Variants in GRK3 observed in about 807,000 individuals in gnomAD.
GRK3 encodes the protein adrenergic, beta, receptor kinase 2.
GRK3 carries 54 observed loss-of-function variants against 95.7 expected under a neutral mutation model. That is an observed-to-expected ratio of 0.56 (90% CI 0.45 to 0.71). The LOEUF is 0.71. Among genes scored for constraint, GRK3 ranks in the 30% least tolerant of loss-of-function variants. The probability of loss-of-function intolerance (pLI) is 0.00; values close to 1 mark genes in which losing one functional copy is unlikely to be tolerated. For missense variants in GRK3, 649 were observed against 851.2 expected, an observed-to-expected ratio of 0.76 and a Z score of 2.96; for synonymous variants, 281 against 290.8, an observed-to-expected ratio of 0.97 and a Z score of 0.34.
rs1243234888 is a variant in GRK3, at chr22:25,725,244, TC to T, written c.*2795del. 3 of 255,888 alleles carry T rather than the reference TC, an allele frequency of 1.2e-5. No individual in the cohort carries two copies. Among genetic ancestry groups the T allele is most frequent in the Admixed American group, 5.4e-5 (1 of 18,398 alleles). 15.9% of individuals were successfully genotyped at this position (255,888 alleles called of 1,614,324 possible). On this transcript the variant is annotated 3_prime_UTR_variant, in exon 21 of 21. Coordinates refer to ENST00000324198, the MANE Select transcript of GRK3 (RefSeq NM_005160.4). ...AGGTCAAAATTCAGCCTATTTTTTT[TC>T]ATTATTTTAGATTCCTGTGGTTGGG...
rs538144910 is a variant in GRK3 at position 25,690,081 on chromosome 22, A to G, written c.958-108A>G. ...GCTAAAGCTATAATTTGTGTTTAGGAACAAACTATGATAAAATAGTGAGAT... is the reference window on the plus strand; with the variant it reads ...GCTAAAGCTATAATTTGTGTTTAGGGACAAACTATGATAAAATAGTGAGAT... On this transcript the variant is annotated intron_variant, in intron 11 of 20. Coordinates refer to ENST00000324198, the MANE Select transcript of GRK3 (RefSeq NM_005160.4). The G allele has an allele frequency of 5.4e-6, 4 of 743,518 alleles. No homozygotes were observed. The South Asian group carries it at 7.2e-5, about 13-fold the overall frequency. 46.1% of individuals were successfully genotyped at this position (743,518 alleles called of 1,614,324 possible). A position where few individuals can be genotyped will look rare whatever the true frequency, so the allele number is the denominator to read the frequency against.
In GRK3 at chr22:25,605,903, C is replaced by T. The variant is rs143151703; in HGVS notation, c.190+1450C>T. On this transcript the variant is annotated intron_variant, in intron 2 of 20. Coordinates refer to ENST00000324198, the MANE Select transcript of GRK3 (RefSeq NM_005160.4). ...GTTCTGGTGGTTGTATGGATCAGAA[C>T]TTCAGCCTGCTTTCCCTTCAGCTCT... 3.8e-3 allele frequency among the ~76,000 whole-genome samples: 572 copies of T among 152,318 alleles called. 3 individuals carry two copies. The highest frequency in any genetic ancestry group is 0.013 in the African/African-American group (542 of 41,542).
chr22:25,569,264 C>T (rs1161353727), intron 1 of GRK3, among the ~76,000 whole-genome samples: 1 of 152,180 alleles, frequency 6.6e-6, no homozygotes, highest in Non-Finnish European at 1.5e-5. Context: ...CATTAAGGTA[C>T]AAATTCAAAA....
At chr22:25,653,568 T>A (rs2084849371) in intron 3 of GRK3, among the ~76,000 whole-genome samples, 1 of 152,222 alleles carries the variant, frequency 6.6e-6, no homozygotes, top group African/African-American at 2.4e-5. Flanking sequence ...TATTAACACA[T>A]AACCTTCTAG....
chr22:25,719,458 G>A (rs1185660860), intron 19 of GRK3, among the ~76,000 whole-genome samples: 1 of 152,170 alleles, frequency 6.6e-6, no homozygotes, highest in Admixed American at 6.5e-5. Context: ...GCTTCCTTGT[G>A]TCTCCACCTT....
chr22:25,638,131 CA>C (rs149754113), intron 2 of GRK3, among the ~76,000 whole-genome samples: 1,956 of 152,310 alleles, frequency 0.013, 28 homozygotes, highest in Middle Eastern at 0.065. Context: ...AAGGCGATAA[CA>C]AGGTCATACT....
At chr22:25,639,002 G>A (rs903526585) in intron 2 of GRK3, among the ~76,000 whole-genome samples, 2 of 152,186 alleles carry the variant, frequency 1.3e-5, no homozygotes, top group African/African-American at 2.4e-5. Flanking sequence ...AGGTGTTCCT[G>A]TGTTGTGATG....
At chr22:25,674,999 T>C (rs2085015977) in intron 8 of GRK3, among the ~76,000 whole-genome samples, 1 of 151,900 alleles carries the variant, frequency 6.6e-6, no homozygotes, top group African/African-American at 2.4e-5. Flanking sequence ...AGCAATAAGC[T>C]GGAACCTCCA....
chr22:25,587,146 C>T (rs1417835176), intron 1 of GRK3, among the ~76,000 whole-genome samples: 1 of 152,184 alleles, frequency 6.6e-6, no homozygotes, highest in African/African-American at 2.4e-5. Flanking sequence ...CTGCCTCAGC[C>T]TCCCAAAGTG....
At chr22:25,581,521 A>T (rs1282139594) in intron 1 of GRK3, 1 of 152,204 alleles carries the variant, frequency 6.6e-6, no homozygotes, top group Non-Finnish European at 1.5e-5. Flanking sequence ...AGGCTCTGTG[A>T]CACTGATTAC....
chr22:25,707,355 C>G (rs994237702), intron 15 of GRK3, among the ~76,000 whole-genome samples: 3 of 152,166 alleles, frequency 2.0e-5, no homozygotes, highest in Non-Finnish European at 2.9e-5. Context: ...CGAAGTGTTT[C>G]CAGTAAAAAT....
At chr22:25,712,214 G>A (rs1284245900) in intron 17 of GRK3, among the ~76,000 whole-genome samples, 1 of 152,164 alleles carries the variant, frequency 6.6e-6, no homozygotes, top group Non-Finnish European at 1.5e-5. Context: ...TTAGGTGAAG[G>A]CAAAGTGCAG....
At chr22:25,628,314 T>C (rs568133743) in intron 2 of GRK3, among the ~76,000 whole-genome samples, 1 of 152,364 alleles carries the variant, frequency 6.6e-6, no homozygotes, top group East Asian at 1.9e-4. Context: ...AATAACAAAG[T>C]GTCCATATGA....
chr22:25,565,189 G>T (rs775353199), intron 1 of GRK3, 36 bp downstream of exon 1: 6 of 1,201,772 alleles, frequency 5.0e-6, no homozygotes, highest in South Asian at 4.5e-5. Flanking sequence ...GCCCCAAGCC[G>T]CCGCCCCCTG....
intron 9 of GRK3, 87 bp from the exon 10 acceptor site, chr22:25,685,083 T>A (rs28704818): frequency 1.2e-5 from 10 of 847,488 alleles, no homozygotes; most frequent in African/African-American, 5.1e-5. Flanking sequence ...AAAGTAATTT[T>A]AAAAATATGT....
intron 2 of GRK3, among the ~76,000 whole-genome samples, chr22:25,617,166 A>G (rs2084546040): frequency 1.3e-5 from 2 of 152,250 alleles, no homozygotes; most frequent in African/African-American, 2.4e-5. Flanking sequence ...CTTACTCTCC[A>G]AAGAAATATA....
chr22:25,719,144 A>G (rs2085410543), intron 19 of GRK3, among the ~76,000 whole-genome samples: 1 of 152,046 alleles, frequency 6.6e-6, no homozygotes, highest in African/African-American at 2.4e-5. Flanking sequence ...TGTGGATACT[A>G]AGGGATGACT....
intron 13 of GRK3, among the ~76,000 whole-genome samples, chr22:25,696,401 A>G (rs2085209322): frequency 6.6e-6 from 1 of 152,240 alleles, no homozygotes. Context: ...AATAGAGTAG[A>G]AAAGATTATG....
At chr22:25,621,076 A>G (rs2084581753) in intron 2 of GRK3, among the ~76,000 whole-genome samples, 1 of 152,270 alleles carries the variant, frequency 6.6e-6, no homozygotes, top group Non-Finnish European at 1.5e-5. Flanking sequence ...TTCATTTAAA[A>G]GTGCGTCACT....
Sources: gnomAD v4.1 joint callset for allele counts (sites outside exome capture counted in the v4.1 genomes callset) on GRCh38, gnomAD v4.1.1 for gene constraint, MANE v1.5 for transcripts, NCBI Gene and HGNC (gene_info 2026-07-23, HGNC 2026-07-21) for gene names.